CDH9: variants seen among roughly 807,000 people sequenced by gnomAD.
CDH9 encodes the protein cadherin 9.
Under a neutral mutation model 70.9 loss-of-function variants are expected in CDH9, and 28 were observed. The ratio of observed to expected loss-of-function variants is 0.40; its 90% CI spans 0.29 to 0.54. The LOEUF (loss-of-function observed/expected upper bound fraction) is 0.54. CDH9 is among the 20% of genes least tolerant of loss of function. CDH9 has a pLI of 0.59. For missense variants in CDH9, 874 were observed against 984.4 expected (o/e 0.89, Z 1.50); for synonymous variants, 409 against 343.1 (o/e 1.19, Z -2.12).
intron 1 of CDH9, among the ~76,000 whole-genome samples, chr5:26,998,612 G>A (rs1239959967): frequency 6.6e-6 from 1 of 152,042 alleles, no homozygotes; most frequent in Non-Finnish European, 1.5e-5. Context: ...GATAGCATTT[G>A]GAGATATACT....
chr5:26,968,346 C>T (rs559695388), intron 2 of CDH9, among the ~76,000 whole-genome samples: 236 of 151,946 alleles, frequency 1.6e-3, no homozygotes, highest in African/African-American at 4.2e-3. Flanking sequence ...AGTGCAGTGG[C>T]GCAATCTCGG....
intron 6 of CDH9, 166 bp from the exon 7 acceptor site, chr5:26,902,895 G>T: frequency 3.6e-6 from 2 of 557,240 alleles, no homozygotes; most frequent in East Asian, 5.8e-5. Flanking sequence ...TATATGTTTT[G>T]CCATACACTT....
At chr5:26,948,801 A>T (rs1234396844) in intron 2 of CDH9, among the ~76,000 whole-genome samples, 1 of 152,210 alleles carries the variant, frequency 6.6e-6, no homozygotes, top group Non-Finnish European at 1.5e-5. Flanking sequence ...AAAAAAGGCT[A>T]TATCTATGGA....
intron 7 of CDH9, among the ~76,000 whole-genome samples, chr5:26,895,960 C>A (rs1740742472): frequency 6.6e-6 from 1 of 151,888 alleles, no homozygotes; most frequent in African/African-American, 2.4e-5. Context: ...GGCTTTTTTG[C>A]ATACATTTTG....
At chr5:26,889,769 G>T in intron 9 of CDH9, 67 bp downstream of exon 9, 3 of 914,698 alleles carry the variant, frequency 3.3e-6, no homozygotes, top group South Asian at 1.6e-5. Context: ...CAAATAAAGT[G>T]ATGTAATGTC....
chr5:26,965,403 C>G (rs1742111845), intron 2 of CDH9, among the ~76,000 whole-genome samples: 1 of 151,718 alleles, frequency 6.6e-6, no homozygotes, highest in Admixed American at 6.6e-5. Flanking sequence ...TAGTGAAACC[C>G]CATCTCTAGT....
chr5:26,941,931 G>C (rs938796817), intron 2 of CDH9, among the ~76,000 whole-genome samples: 11 of 152,132 alleles, frequency 7.2e-5, no homozygotes, highest in African/African-American at 2.4e-4. Context: ...AGTGGCACAG[G>C]GCATCACATG....
intron 2 of CDH9, among the ~76,000 whole-genome samples, chr5:26,986,776 A>G (rs1331661546): frequency 2.6e-5 from 4 of 152,096 alleles, no homozygotes; most frequent in African/African-American, 9.7e-5. Context: ...GATGTTAGTT[A>G]TTAACTGTAG....
intron 1 of CDH9, among the ~76,000 whole-genome samples, chr5:27,007,979 C>T (rs562823218): frequency 6.6e-6 from 1 of 151,988 alleles, no homozygotes; most frequent in South Asian, 2.1e-4. Flanking sequence ...AAAAAAAAGA[C>T]ACTTACATTT....
At chr5:26,985,340 A>G (rs1402370639) in intron 2 of CDH9, among the ~76,000 whole-genome samples, 1 of 152,108 alleles carries the variant, frequency 6.6e-6, no homozygotes, top group Non-Finnish European at 1.5e-5. Context: ...AATCTTAATG[A>G]CAATGTAAAT....
At chr5:26,893,032 C>A (rs1409052333) in intron 7 of CDH9, among the ~76,000 whole-genome samples, 2 of 152,134 alleles carry the variant, frequency 1.3e-5, no homozygotes, top group African/African-American at 4.8e-5. Flanking sequence ...CACACCCTGC[C>A]AGTATTGGCA....
chr5:27,023,338 G>A (rs942787685), intron 1 of CDH9, among the ~76,000 whole-genome samples: 11 of 151,976 alleles, frequency 7.2e-5, no homozygotes, highest in Non-Finnish European at 1.3e-4. Context: ...TTTGTTTTAG[G>A]AAGATTTTCA....
chr5:26,890,937 G>A (rs531763844), intron 7 of CDH9: 91 of 163,874 alleles, frequency 5.6e-4, no homozygotes, highest in Admixed American at 1.6e-3. Context: ...TGAATAAATC[G>A]AAAGTATGTT....
chr5:26,904,769 C>T (rs1004816643), intron 5 of CDH9, among the ~76,000 whole-genome samples: 1 of 151,962 alleles, frequency 6.6e-6, no homozygotes, highest in Non-Finnish European at 1.5e-5. Flanking sequence ...TTGATGTCTG[C>T]GTCTAAGAAA....
At chr5:26,960,132 T>C (rs1742010064) in intron 2 of CDH9, among the ~76,000 whole-genome samples, 1 of 151,992 alleles carries the variant, frequency 6.6e-6, no homozygotes, top group South Asian at 2.1e-4. Context: ...ACATCCTAAA[T>C]GTTTTCAGAG....
At chr5:26,968,146 T>C (rs764802507) in intron 2 of CDH9, among the ~76,000 whole-genome samples, 11 of 152,244 alleles carry the variant, frequency 7.2e-5, no homozygotes, top group Admixed American at 7.2e-4. Context: ...ATTCACATTT[T>C]AGTTGGATGT....
intron 7 of CDH9, among the ~76,000 whole-genome samples, chr5:26,898,965 A>T (rs542461028): frequency 6.6e-6 from 1 of 152,300 alleles, no homozygotes; most frequent in African/African-American, 2.4e-5. Flanking sequence ...GAACTTAAAC[A>T]AATTTACAAG....
chr5:27,029,579 T>A (rs1743276609), intron 1 of CDH9, among the ~76,000 whole-genome samples: 1 of 151,982 alleles, frequency 6.6e-6, no homozygotes, highest in South Asian at 2.1e-4. Flanking sequence ...GCGCAGCAGG[T>A]GCAGCCTCAT....
intron 2 of CDH9, among the ~76,000 whole-genome samples, chr5:26,944,205 G>C (rs965308292): frequency 1.3e-5 from 2 of 149,782 alleles, no homozygotes; most frequent in Non-Finnish European, 3.0e-5. Flanking sequence ...TATTTCTTTA[G>C]ATTCTTGCTA....
Sources: gnomAD v4.1 joint callset for allele counts (sites outside exome capture counted in the v4.1 genomes callset) on GRCh38, gnomAD v4.1.1 for gene constraint, MANE v1.5 for transcripts, NCBI Gene and HGNC (gene_info 2026-07-23, HGNC 2026-07-21) for gene names.